NLRP13: variants seen among roughly 807,000 people sequenced by gnomAD.
The protein encoded by NLRP13 is NLR family pyrin domain containing 13.
Under a neutral mutation model 94.4 loss-of-function variants are expected in NLRP13, and 82 were observed. The ratio of observed to expected loss-of-function variants is 0.87; its 90% CI spans 0.73 to 1.04. The LOEUF (loss-of-function observed/expected upper bound fraction) is 1.04, where lower values mean the gene tolerates loss of function less well. Among genes scored for constraint, NLRP13 ranks in the 50% least tolerant of loss-of-function variants. The pLI is 0.00. For synonymous variants in NLRP13, 553 were observed against 464.7 expected, an observed-to-expected ratio of 1.19 and a Z score of -2.45; for missense variants, 1,426 against 1,230.8, an observed-to-expected ratio of 1.16 and a Z score of -2.37.
At chr19:55,904,529 T>C (rs1017408658) in intron 8 of NLRP13, among the ~76,000 whole-genome samples, 1 of 152,212 alleles carries the variant, frequency 6.6e-6, no homozygotes, top group African/African-American at 2.4e-5. Flanking sequence ...CCCATCCCTG[T>C]CATTCTACTC....
At chr19:55,922,020 C>T (rs1986841066) in intron 4 of NLRP13, among the ~76,000 whole-genome samples, 1 of 152,106 alleles carries the variant, frequency 6.6e-6, no homozygotes, top group Non-Finnish European at 1.5e-5. Context: ...GCTGGGGAGG[C>T]CTCGCAATCA....
In NLRP13 at chr19:55,913,195, A is replaced by T. The variant is rs1280135085; in HGVS notation, c.622T>A (p.Ser208Thr). The change falls in exon 5 of 11, where the codon TCA becomes ACA. Residue 208 changes from serine to threonine, a missense_variant. By Grantham distance (58) the Ser-to-Thr change is moderately conservative. Coordinates refer to ENST00000342929, the MANE Select transcript of NLRP13 (RefSeq NM_176810.2). ...TGCAGTTCCTCATGTTCGTCCTTTG[A>T]TGTATTACGGATATATACGTGGTCT... is the stretch of plus-strand genomic sequence containing the variant. ...PKDHVYIRNT[S>T]KDEHEELQRL... 8 of 1,613,980 alleles carry T rather than the reference A, an allele frequency of 5.0e-6. No individual in the cohort carries two copies. In the Middle Eastern group the frequency reaches 4.9e-4, roughly 100 times the overall value.
At chr19:55,910,442 A>G (rs1986472746) in intron 6 of NLRP13, 121 bp downstream of exon 6, 4 of 936,112 alleles carry the variant, frequency 4.3e-6, no homozygotes, top group Non-Finnish European at 6.2e-6. Context: ...AGCACAGTTT[A>G]TTTTATCCTC....
chr19:55,915,522 C>T (rs1261680894), intron 4 of NLRP13, among the ~76,000 whole-genome samples: 1 of 152,036 alleles, frequency 6.6e-6, no homozygotes, highest in East Asian at 1.9e-4. Flanking sequence ...CACTTGAACC[C>T]GGGAGGCAGA....
intron 4 of NLRP13, among the ~76,000 whole-genome samples, chr19:55,917,909 A>G (rs999678720): frequency 1.3e-5 from 2 of 152,068 alleles, no homozygotes; most frequent in African/African-American, 4.8e-5. Flanking sequence ...TTTAGACCAA[A>G]TGAAACTGAC....
chr19:55,904,685 C>T (rs111846002), intron 8 of NLRP13, among the ~76,000 whole-genome samples: 1,543 of 152,264 alleles, frequency 0.01, 24 homozygotes, highest in African/African-American at 0.035. Flanking sequence ...TAGAAGCTCA[C>T]ATATGAGTTG....
Position 55,912,708 on chromosome 19 carries a change from T to G in NLRP13, c.1109A>C (p.Asp370Ala). 2 of 1,614,134 alleles carry G rather than the reference T, an allele frequency of 1.2e-6. No homozygotes were observed. Among genetic ancestry groups the G allele is most frequent in the East Asian group, 4.5e-5 (2 of 44,880 alleles). ...LITIKTWFVR[D>A]LKASLVNPCF... is the part of the protein sequence containing the mutation. The stretch of plus-strand genomic sequence containing the variant: ...TGGATTCACTAATGAGGCCTTAAGA[T>G]CTCTCACAAACCAGGTCTTGATCGT... The change falls in exon 5 of 11, where the codon GAT becomes GCT. Residue 370 changes from aspartate (D) to alanine (A), a missense_variant. Transcript: ENST00000342929.
At chr19:55,925,730 A>G (rs898779769) in intron 1 of NLRP13, among the ~76,000 whole-genome samples, 7 of 152,224 alleles carry the variant, frequency 4.6e-5, no homozygotes, top group Non-Finnish European at 2.9e-5. Context: ...TAGCTGCTAC[A>G]GGACAATACC....
In NLRP13 at chr19:55,913,582, A is replaced by C. The variant is rs34773781; in HGVS notation, c.524-289T>G. Among the ~76,000 whole-genome samples the C allele has an allele frequency of 4.3e-3, 642 of 149,830 alleles. 1 individual carries two copies. The highest frequency in any genetic ancestry group is 7.5e-3 in the Non-Finnish European group (508 of 67,326). On this transcript the variant is annotated intron_variant, in intron 4 of 10. Coordinates refer to ENST00000342929, the MANE Select transcript of NLRP13 (RefSeq NM_176810.2). ...AAAAAAAAAAAAAAAGTTGCAAAAT[A>C]TGAAGACAGTTAAATAATTTGATGA...
chr19:55,925,955 G>C (rs957616613), intron 1 of NLRP13, among the ~76,000 whole-genome samples: 1 of 152,082 alleles, frequency 6.6e-6, no homozygotes, highest in Non-Finnish European at 1.5e-5. Context: ...CCTACCTGTG[G>C]AGTCTGAGCC....
At position 55,923,901 on chromosome 19, in the gene NLRP13, G is replaced by C; in HGVS notation, c.523+13C>G. On this transcript the variant is annotated intron_variant, in intron 4 of 10. Transcript: ENST00000342929. ...GCAACCTGTCCATTATCAACATAAA[G>C]TAGTATACACACCTGCTTCCTCTAG... is the stretch of plus-strand genomic sequence containing the variant. The C allele has an allele frequency of 6.2e-7, 1 of 1,605,252 alleles. No homozygotes were observed.
At chr19:55,925,568 AG>A (rs1986948188) in intron 1 of NLRP13, among the ~76,000 whole-genome samples, 1 of 152,190 alleles carries the variant, frequency 6.6e-6, no homozygotes, top group Non-Finnish European at 1.5e-5. Flanking sequence ...TCTTTGGAGT[AG>A]AATACTGTAG....
chr19:55,919,172 C>T (rs933383813), intron 4 of NLRP13, among the ~76,000 whole-genome samples: 3 of 152,028 alleles, frequency 2.0e-5, no homozygotes, highest in Admixed American at 6.6e-5. Context: ...ATTCAGCATC[C>T]CTTCATGATA....
chr19:55,896,393 G>A (rs1239352743), intron 10 of NLRP13, among the ~76,000 whole-genome samples: 1 of 151,734 alleles, frequency 6.6e-6, no homozygotes, highest in Non-Finnish European at 1.5e-5. Flanking sequence ...ATGTTGGCAT[G>A]CATCTGTAGT....
chr19:55,902,096 C>CAA lies in NLRP13; in HGVS notation c.2727_2728insTT (p.Glu910LeufsTer21), dbSNP rs1463033022. ...GCCTCACACAGGAACTTGACTCCCT[C>CAA]GTCTCTCAGGCTGTTCTTGCTCAGA... is the stretch of plus-strand genomic sequence containing the variant. On this transcript the variant is annotated frameshift_variant, in exon 9 of 11. Transcript: ENST00000342929. LOFTEE classifies it high-confidence loss of function. 3 of 1,614,044 alleles carry CAA rather than the reference C, an allele frequency of 1.9e-6. No individual in the cohort carries two copies. The African/African-American group carries it at 4.0e-5, about 22-fold the overall frequency.
chr19:55,906,145 C>A (rs538714902), intron 7 of NLRP13, among the ~76,000 whole-genome samples: 28 of 152,096 alleles, frequency 1.8e-4, no homozygotes, highest in Non-Finnish European at 3.4e-4. Flanking sequence ...CGAGACCAGC[C>A]TGTCCAACAT....
intron 4 of NLRP13, among the ~76,000 whole-genome samples, chr19:55,916,828 G>T (rs1422534877): frequency 2.6e-5 from 4 of 151,964 alleles, no homozygotes; most frequent in African/African-American, 9.7e-5. Context: ...CCCTACTCTG[G>T]CAAGAGATCC....
At chr19:55,922,698 A>G (rs1273568039) in intron 4 of NLRP13, among the ~76,000 whole-genome samples, 2 of 152,216 alleles carry the variant, frequency 1.3e-5, no homozygotes, top group Non-Finnish European at 2.9e-5. Flanking sequence ...GTAGCATACA[A>G]CCTTCATTCC....
At position 55,925,146 on chromosome 19, in the gene NLRP13, AG is replaced by A. The variant is rs1186716457; in HGVS notation, c.320-112del. 30 of 944,866 alleles carry A rather than the reference AG, an allele frequency of 3.2e-5. 1 individual carries two copies. The Admixed American group carries it at 5.9e-4, about 18-fold the overall frequency. 58.5% of individuals were successfully genotyped at this position (944,866 alleles called of 1,614,324 possible). ...CCTTCTATGACAAACTGGAGTTTGAAGGTCTGATTCCTCCAGTTTTCTCAAG... is the reference window on the plus strand; with the variant it reads ...CCTTCTATGACAAACTGGAGTTTGAAGTCTGATTCCTCCAGTTTTCTCAAG... On this transcript the variant is annotated intron_variant, in intron 1 of 10. Transcript: ENST00000342929.
Sources: gnomAD v4.1 joint callset for allele counts (sites outside exome capture counted in the v4.1 genomes callset) on GRCh38, gnomAD v4.1.1 for gene constraint, MANE v1.5 for transcripts, NCBI Gene and HGNC (gene_info 2026-07-23, HGNC 2026-07-21) for gene names.